ANKRD17: variants seen among roughly 807,000 people sequenced by gnomAD.
ANKRD17 encodes the protein ankyrin repeat domain-containing protein 17.
Under a neutral mutation model 229.7 loss-of-function variants are expected in ANKRD17, and 19 were observed. That is an observed-to-expected ratio of 0.08 (90% CI 0.06 to 0.12). The LOEUF (loss-of-function observed/expected upper bound fraction) is 0.12, where lower values mean the gene tolerates loss of function less well. Ranked by LOEUF, ANKRD17 falls within the 10% of genes least tolerant of loss-of-function variation. ANKRD17 has a pLI of 1.00. For synonymous variants in ANKRD17, 1,112 were observed against 1,146.1 expected (o/e 0.97, Z 0.60); for missense variants, 2,176 against 3,176.8 (o/e 0.68, Z 7.57).
At chr4:73,229,744 C>T (rs1742870669) in intron 1 of ANKRD17, among the ~76,000 whole-genome samples, 1 of 151,788 alleles carries the variant, frequency 6.6e-6, no homozygotes, top group Non-Finnish European at 1.5e-5. Context: ...AATACAAATT[C>T]CCCCCAATAT....
At chr4:73,204,695 T>C (rs1342308139) in intron 1 of ANKRD17, among the ~76,000 whole-genome samples, 2 of 152,060 alleles carry the variant, frequency 1.3e-5, no homozygotes, top group South Asian at 2.1e-4. Context: ...ACAACATAGG[T>C]AGAAATAAGA....
At chr4:73,253,989 GAAGAC>G (rs1230701121) in intron 1 of ANKRD17, among the ~76,000 whole-genome samples, 5 of 152,136 alleles carry the variant, frequency 3.3e-5, no homozygotes, top group Non-Finnish European at 7.4e-5. Flanking sequence ...AAGCAGGAGA[GAAGAC>G]AAGATAAATT....
chr4:73,154,794 C>A (rs984021337), intron 5 of ANKRD17, among the ~76,000 whole-genome samples: 2 of 152,114 alleles, frequency 1.3e-5, no homozygotes, highest in African/African-American at 4.8e-5. Flanking sequence ...GTAATCCCAG[C>A]ACTTTGGGAG....
At chr4:73,141,036 G>T (rs1418278688) in intron 14 of ANKRD17, among the ~76,000 whole-genome samples, 4 of 152,306 alleles carry the variant, frequency 2.6e-5, no homozygotes, top group African/African-American at 9.6e-5. Context: ...AAGGCTCTAG[G>T]TTGATAGTAG....
rs533399012 is a variant in ANKRD17, at chr4:73,098,892, G to C, written c.4574-372C>G. The C allele has an allele frequency of 3.2e-6, 4 of 1,232,606 alleles. No homozygotes were observed. The East Asian group carries it at 7.0e-5, about 22-fold the overall frequency. 76.4% of individuals were successfully genotyped at this position (1,232,606 alleles called of 1,614,324 possible). A position where few individuals can be genotyped will look rare whatever the true frequency, so the allele number is the denominator to read the frequency against. ...CAGGAAATGGACAGCACTGAGAAGCGGGGCCGGGGCAGGCCCCGCAAGCAG... is the reference window on the plus strand; with the variant it reads ...CAGGAAATGGACAGCACTGAGAAGCCGGGCCGGGGCAGGCCCCGCAAGCAG... On this transcript the variant is annotated intron_variant, in intron 25 of 33. Coordinates refer to ENST00000358602, the MANE Select transcript of ANKRD17 (RefSeq NM_032217.5).
Position 73,076,173 on chromosome 4 carries a change from G to T in ANKRD17, c.*58C>A. 5 of 1,512,340 alleles carry T rather than the reference G, an allele frequency of 3.3e-6. No individual in the cohort carries two copies. The highest frequency in any genetic ancestry group is 2.1e-5 in the Admixed American group (1 of 46,876). 93.7% of individuals were successfully genotyped at this position (1,512,340 alleles called of 1,614,324 possible). On this transcript the variant is annotated 3_prime_UTR_variant, in exon 34 of 34. Transcript: ENST00000358602. ...TTTGGGAGCATAATTTTTTTTTTCG[G>T]CCACTTGTGATTTCCTCCAAATGAA...
chr4:73,184,156 A>G (rs960259931), intron 1 of ANKRD17, among the ~76,000 whole-genome samples: 1 of 152,176 alleles, frequency 6.6e-6, no homozygotes, highest in Non-Finnish European at 1.5e-5. Context: ...TCCTCAAGTT[A>G]GAAATATTAC....
At chr4:73,101,280 T>C (rs539118365) in intron 25 of ANKRD17, 37 of 895,304 alleles carry the variant, frequency 4.1e-5, no homozygotes, top group Non-Finnish European at 4.8e-5. Flanking sequence ...ATGATCTGGA[T>C]TGTAGATGAT....
chr4:73,188,641 A>G (rs1327128654), intron 1 of ANKRD17, among the ~76,000 whole-genome samples: 1 of 152,156 alleles, frequency 6.6e-6, no homozygotes, highest in African/African-American at 2.4e-5. Flanking sequence ...AATTCATTAG[A>G]ACCTGAGATT....
At chr4:73,227,036 T>C (rs2149228503) in intron 1 of ANKRD17, among the ~76,000 whole-genome samples, 1 of 152,332 alleles carries the variant, frequency 6.6e-6, no homozygotes, top group South Asian at 2.1e-4. Flanking sequence ...TTTCCAGTCC[T>C]TTTCATCAAT....
chr4:73,181,674 T>G (rs1013711214), intron 1 of ANKRD17, among the ~76,000 whole-genome samples: 1 of 152,034 alleles, frequency 6.6e-6, no homozygotes, highest in Non-Finnish European at 1.5e-5. Flanking sequence ...TATATTATTC[T>G]ACAGAAAAAA....
At chr4:73,114,955 G>A (rs1012190278) in intron 23 of ANKRD17, among the ~76,000 whole-genome samples, 2 of 152,108 alleles carry the variant, frequency 1.3e-5, no homozygotes, top group African/African-American at 4.8e-5. Flanking sequence ...GTCTCAATTA[G>A]GATCTCTAAT....
At chr4:73,199,838 T>C (rs1026572652) in intron 1 of ANKRD17, among the ~76,000 whole-genome samples, 1 of 152,206 alleles carries the variant, frequency 6.6e-6, no homozygotes, top group Non-Finnish European at 1.5e-5. Context: ...CAATAAACAT[T>C]TGTTAAATGA....
chr4:73,162,843 CT>C (rs949991509), intron 2 of ANKRD17, among the ~76,000 whole-genome samples: 1 of 151,718 alleles, frequency 6.6e-6, no homozygotes, highest in Admixed American at 6.6e-5. Flanking sequence ...ACTTGTGGTG[CT>C]TTTTTGTTTT....
At chr4:73,189,702 C>T (rs754617428) in intron 1 of ANKRD17, among the ~76,000 whole-genome samples, 11 of 152,308 alleles carry the variant, frequency 7.2e-5, no homozygotes, top group South Asian at 2.1e-4. Context: ...ATACTATCAA[C>T]GGAGTTTCTC....
chr4:73,239,915 C>T (rs1203302911), intron 1 of ANKRD17, among the ~76,000 whole-genome samples: 1 of 152,138 alleles, frequency 6.6e-6, no homozygotes, highest in African/African-American at 2.4e-5. Flanking sequence ...AAGGATATTA[C>T]CCCCTCAATA....
At chr4:73,113,320 GA>G in intron 24 of ANKRD17, 1 of 1,289,310 alleles carries the variant, frequency 7.8e-7, no homozygotes, top group Non-Finnish European at 1.0e-6. Context: ...GCCTGAAAGA[GA>G]AAAGTACAAG....
chr4:73,137,374 G>C (rs996054721), intron 15 of ANKRD17, among the ~76,000 whole-genome samples: 1 of 152,124 alleles, frequency 6.6e-6, no homozygotes, highest in African/African-American at 2.4e-5. Context: ...AAAGACAGAC[G>C]ATTTTGGTCA....
chr4:73,170,922 T>C (rs1733906642), intron 2 of ANKRD17, among the ~76,000 whole-genome samples: 2 of 152,062 alleles, frequency 1.3e-5, no homozygotes, highest in African/African-American at 4.8e-5. Context: ...ATGGCATCTA[T>C]GAATCAGCTC....
Sources: allele counts gnomAD v4.1 joint callset (sites outside exome capture counted in the v4.1 genomes callset), GRCh38; gene constraint gnomAD v4.1.1; transcripts MANE v1.5; gene names NCBI Gene and HGNC (gene_info 2026-07-23, HGNC 2026-07-21).